DERA: variants seen among roughly 807,000 people sequenced by gnomAD.
The protein encoded by DERA is 2-deoxy-D-ribose 5-phosphate aldolase.
DERA carries 15 observed loss-of-function variants against 41.1 expected under a neutral mutation model. The ratio of observed to expected loss-of-function variants is 0.37; its 90% CI spans 0.24 to 0.56. The LOEUF (loss-of-function observed/expected upper bound fraction) is 0.56. Among genes scored for constraint, DERA ranks in the 20% least tolerant of loss-of-function variants. DERA has a pLI of 0.81. For missense variants in DERA, 396 were observed against 403.4 expected (o/e 0.98, Z 0.16); for synonymous variants, 139 against 137.4 (o/e 1.01, Z -0.08).
chr12:16,014,451 T>C lies in DERA; in HGVS notation c.638-18091T>C, dbSNP rs950835754. Reference sequence around the variant, plus strand: ...GCTCAGGCCATTGCTTCAGAGAGTGTAAGCTCCAAGCCTTGGTGGCTTCCA... The same window carrying C: ...GCTCAGGCCATTGCTTCAGAGAGTGCAAGCTCCAAGCCTTGGTGGCTTCCA... On this transcript the variant is annotated intron_variant, in intron 6 of 8. Transcript: ENST00000428559. The surrounding 1 kb of genome is among the most constrained non-coding windows in gnomAD (Gnocchi z 5.4). Among the ~76,000 whole-genome samples the C allele has an allele frequency of 1.3e-5, 2 of 152,196 alleles. No individual in the cohort carries two copies. The highest frequency in any genetic ancestry group is 2.9e-5 in the Non-Finnish European group (2 of 68,034).
chr12:15,939,256 T>C (rs1031398395), intron 1 of DERA, among the ~76,000 whole-genome samples: 2 of 152,176 alleles, frequency 1.3e-5, no homozygotes, highest in African/African-American at 4.8e-5. Flanking sequence ...CATTTCCCAG[T>C]CCCAGCCACC....
chr12:15,949,121 C>G (rs1419367854), intron 1 of DERA, among the ~76,000 whole-genome samples: 2 of 152,158 alleles, frequency 1.3e-5, no homozygotes, highest in African/African-American at 2.4e-5. Context: ...TGGGGGGTGC[C>G]TCCCAGTTAG....
chr12:15,929,424 T>C (rs1182935736), intron 1 of DERA, among the ~76,000 whole-genome samples: 1 of 152,142 alleles, frequency 6.6e-6, no homozygotes, highest in Non-Finnish European at 1.5e-5. Flanking sequence ...TCCCAGACAG[T>C]GTTGGCAATC....
chr12:16,035,964 C>T lies in DERA; in HGVS notation c.751-268C>T, dbSNP rs889636857. Among the ~76,000 whole-genome samples, 3 of 152,078 alleles carry T rather than the reference C, an allele frequency of 2.0e-5. No individual in the cohort carries two copies. The highest frequency in any genetic ancestry group is 7.2e-5 in the African/African-American group (3 of 41,392). ...CTAGATGGTGGAGGTTTATGACTTTCCAATAAGTGAAATGTTAATGAGGGT... is the reference window on the plus strand; with the variant it reads ...CTAGATGGTGGAGGTTTATGACTTTTCAATAAGTGAAATGTTAATGAGGGT... On this transcript the variant is annotated intron_variant, in intron 7 of 8. Transcript: ENST00000428559. The surrounding 1 kb of genome is among the most constrained non-coding windows in gnomAD (Gnocchi z 4.1).
chr12:15,912,211 TG>T (rs1948169558), intron 1 of DERA, among the ~76,000 whole-genome samples: 2 of 151,950 alleles, frequency 1.3e-5, no homozygotes, highest in African/African-American at 4.8e-5. Flanking sequence ...TAGGGAGTGG[TG>T]ATGACTCTTA....
At position 16,036,772 on chromosome 12, in the gene DERA, C is replaced by A. The variant is rs763878829; in HGVS notation, c.*26C>A. The A allele has an allele frequency of 1.7e-5, 26 of 1,520,240 alleles. No individual in the cohort carries two copies. The highest frequency in any genetic ancestry group is 2.2e-5 in the Non-Finnish European group (25 of 1,119,064). 94.2% of individuals were successfully genotyped at this position (1,520,240 alleles called of 1,614,324 possible). A position where few individuals can be genotyped will look rare whatever the true frequency, so the allele number is the denominator to read the frequency against. ...ATCAGTCACCAGTTCCAGAAAAGTTCTTTACGACAATGTTTAAAAATTATT... is the reference window on the plus strand; with the variant it reads ...ATCAGTCACCAGTTCCAGAAAAGTTATTTACGACAATGTTTAAAAATTATT... On this transcript the variant is annotated 3_prime_UTR_variant, in exon 9 of 9. Transcript: ENST00000428559. The surrounding 1 kb of genome is among the most constrained non-coding windows in gnomAD (Gnocchi z 4.9).
rs746384979 is a variant in DERA, at chr12:15,911,380, C to T, written c.-4C>T. 9 of 1,405,826 alleles carry T rather than the reference C, an allele frequency of 6.4e-6. No individual in the cohort carries two copies. The East Asian group carries it at 2.1e-4, about 32-fold the overall frequency. 87.1% of individuals were successfully genotyped at this position (1,405,826 alleles called of 1,614,324 possible). A position where few individuals can be genotyped will look rare whatever the true frequency, so the allele number is the denominator to read the frequency against. ...CAGCCGGCAGCTCCGGAGCTGCCCGCGCCATGTCCGCGCACAATCGGGGCA... is the reference window on the plus strand; with the variant it reads ...CAGCCGGCAGCTCCGGAGCTGCCCGTGCCATGTCCGCGCACAATCGGGGCA... On this transcript the variant is annotated 5_prime_UTR_variant, in exon 1 of 9. Coordinates refer to ENST00000428559, the MANE Select transcript of DERA (RefSeq NM_015954.4). This position sits in a 1 kb window ranked among gnomAD's most constrained non-coding sequence, Gnocchi z 4.5.
Position 15,965,387 on chromosome 12 carries a change from A to G in DERA, c.508+2440A>G, listed in dbSNP as rs1032839014. Among the ~76,000 whole-genome samples, 3 of 152,126 alleles carry G rather than the reference A, an allele frequency of 2.0e-5. No individual in the cohort carries two copies. The highest frequency in any genetic ancestry group is 7.2e-5 in the African/African-American group (3 of 41,418). On this transcript the variant is annotated intron_variant, in intron 5 of 8. Transcript: ENST00000428559. The surrounding 1 kb of genome is among the most constrained non-coding windows in gnomAD (Gnocchi z 4.1). The stretch of plus-strand genomic sequence containing the variant: ...CCATGGTGGTTTGCTGCACCTATCA[A>G]CCCATCACCTAGGTAGGTATTAAGT...
intron 6 of DERA, among the ~76,000 whole-genome samples, chr12:16,029,066 A>G (rs1206813058): frequency 1.3e-5 from 2 of 152,222 alleles, no homozygotes; most frequent in African/African-American, 4.8e-5. Flanking sequence ...GGTGTGGGGT[A>G]TATGGAAACT....
chr12:16,032,819 G>A, intron 7 of DERA, 165 bp downstream of exon 7: 5 of 578,318 alleles, frequency 8.6e-6, no homozygotes. Flanking sequence ...CACTGATGGA[G>A]AAAAATTGTG....
intron 1 of DERA, among the ~76,000 whole-genome samples, chr12:15,920,408 G>A (rs1948234263): frequency 6.6e-6 from 1 of 152,224 alleles, no homozygotes; most frequent in Non-Finnish European, 1.5e-5. Flanking sequence ...TGCTGGTTTA[G>A]TCTAGCACGT....
At chr12:15,980,861 T>C (rs1257027852) in intron 5 of DERA, among the ~76,000 whole-genome samples, 1 of 152,240 alleles carries the variant, frequency 6.6e-6, no homozygotes, top group Non-Finnish European at 1.5e-5. Context: ...TCATGTTTTC[T>C]GTGATTGAGA....
chr12:16,026,958 C>T lies in DERA; in HGVS notation c.638-5584C>T, dbSNP rs1189113906. 6.6e-6 allele frequency among the ~76,000 whole-genome samples: 1 copy of T among 152,038 alleles called. No individual in the cohort carries two copies. Among genetic ancestry groups the T allele is most frequent in the East Asian group, 1.9e-4 (1 of 5,196 alleles). On this transcript the variant is annotated intron_variant, in intron 6 of 8. Transcript: ENST00000428559. The surrounding 1 kb of genome is among the most constrained non-coding windows in gnomAD (Gnocchi z 4.4). The stretch of plus-strand genomic sequence containing the variant: ...AACAATGTATAAAACTAATTATATG[C>T]CACAACCAAGTGTGATTTATTCCAG...
Position 15,915,805 on chromosome 12 carries a change from C to G in DERA, c.31+4391C>G, listed in dbSNP as rs1214640141. Among the ~76,000 whole-genome samples, 1 of 152,176 alleles carries G rather than the reference C, an allele frequency of 6.6e-6. No homozygotes were observed. Among genetic ancestry groups the G allele is most frequent in the Non-Finnish European group, 1.5e-5 (1 of 68,042 alleles). On this transcript the variant is annotated intron_variant, in intron 1 of 8. Transcript: ENST00000428559. This position sits in a 1 kb window ranked among gnomAD's most constrained non-coding sequence, Gnocchi z 4.8. ...CACAATGGCCCTGTGAGGGAGATAG[C>G]ATGATCCAGGTTTACACACGAGCAA...
intron 6 of DERA, among the ~76,000 whole-genome samples, chr12:16,029,754 G>A (rs1949078297): frequency 6.6e-6 from 1 of 151,910 alleles, no homozygotes. Context: ...GGCTACTGTT[G>A]CTGCCATAGT....
At chr12:15,980,865 A>T (rs1948728119) in intron 5 of DERA, among the ~76,000 whole-genome samples, 1 of 152,064 alleles carries the variant, frequency 6.6e-6, no homozygotes, top group African/African-American at 2.4e-5. Flanking sequence ...GTTTTCTGTG[A>T]TTGAGAAGGC....
Position 16,036,437 on chromosome 12 carries a change from A to G in DERA, c.900+56A>G, listed in dbSNP as rs2136192111. On this transcript the variant is annotated intron_variant, in intron 8 of 8. Coordinates refer to ENST00000428559, the MANE Select transcript of DERA (RefSeq NM_015954.4). This position sits in a 1 kb window ranked among gnomAD's most constrained non-coding sequence, Gnocchi z 4.9. ...TTAACAAGTGTTTTTTGAGAAAGGAATTGAAAAGTCAAATTGAGAACTGGA... is the reference window on the plus strand; with the variant it reads ...TTAACAAGTGTTTTTTGAGAAAGGAGTTGAAAAGTCAAATTGAGAACTGGA... 6.5e-7 allele frequency: 1 copy of G among 1,534,116 alleles called. No individual in the cohort carries two copies. The highest frequency in any genetic ancestry group is 8.8e-7 in the Non-Finnish European group (1 of 1,139,270).
At chr12:16,024,551 A>G (rs1949040867) in intron 6 of DERA, among the ~76,000 whole-genome samples, 2 of 152,236 alleles carry the variant, frequency 1.3e-5, no homozygotes, top group Non-Finnish European at 2.9e-5. Flanking sequence ...TCTGTGTTCA[A>G]TGAAGCTATT....
rs547920607 is a variant in DERA, at chr12:15,990,545, A to T, written c.637+8109A>T. Among the ~76,000 whole-genome samples, 33 of 152,128 alleles carry T rather than the reference A, an allele frequency of 2.2e-4. No individual in the cohort carries two copies. Among genetic ancestry groups the T allele is most frequent in the African/African-American group, 7.7e-4 (32 of 41,506 alleles). On this transcript the variant is annotated intron_variant, in intron 6 of 8. Transcript: ENST00000428559. The surrounding 1 kb of genome is among the most constrained non-coding windows in gnomAD (Gnocchi z 4.3). ...GTTTTGTTGTACAGATTATTTCCTTACCCAGATGTTAATCTGAGTATCCAT... is the reference window on the plus strand; with the variant it reads ...GTTTTGTTGTACAGATTATTTCCTTTCCCAGATGTTAATCTGAGTATCCAT...
Sources: gnomAD v4.1 joint callset for allele counts (sites outside exome capture counted in the v4.1 genomes callset) on GRCh38, gnomAD v4.1.1 for gene constraint, Gnocchi (gnomAD v3.1) non-coding constraint, MANE v1.5 for transcripts, NCBI Gene and HGNC (gene_info 2026-07-23, HGNC 2026-07-21) for gene names.